The following SNTG1 variants were observed in gnomAD, a reference collection of about 807,000 sequenced individuals.
The protein encoded by SNTG1 is syntrophin gamma 1.
A neutral mutation model predicts 74.7 loss-of-function variants in SNTG1; 39 were observed. That is an observed-to-expected ratio of 0.52 (90% confidence interval 0.40 to 0.68). The LOEUF (loss-of-function observed/expected upper bound fraction) is 0.68. Ranked by LOEUF, SNTG1 falls within the 30% of genes least tolerant of loss-of-function variation. The probability of loss-of-function intolerance (pLI) is 0.00; values close to 1 mark genes in which losing one functional copy is unlikely to be tolerated. For synonymous variants in SNTG1, 254 were observed against 217.1 expected (o/e 1.17, Z -1.49); for missense variants, 685 against 609.5 (o/e 1.12, Z -1.30).
chr8:50,281,748 T>C (rs2088468120), intron 2 of SNTG1, among the ~76,000 whole-genome samples: 1 of 152,202 alleles, frequency 6.6e-6, no homozygotes, highest in Non-Finnish European at 1.5e-5. Flanking sequence ...AAAATAATCA[T>C]AGTAACATTG....
intron 1 of SNTG1, among the ~76,000 whole-genome samples, chr8:50,106,726 C>T (rs1586301217): frequency 6.6e-6 from 1 of 152,144 alleles, no homozygotes; most frequent in South Asian, 2.1e-4. Context: ...TTCTTGCATT[C>T]TCATGAGTTT....
At chr8:50,011,419 A>T (rs1815785150) in intron 1 of SNTG1, among the ~76,000 whole-genome samples, 1 of 152,188 alleles carries the variant, frequency 6.6e-6, no homozygotes, top group Admixed American at 6.6e-5. Flanking sequence ...ATTTTTAAGC[A>T]CAAATATTTT....
chr8:50,094,226 T>C (rs2079846348), intron 1 of SNTG1, among the ~76,000 whole-genome samples: 1 of 151,944 alleles, frequency 6.6e-6, no homozygotes, highest in Non-Finnish European at 1.5e-5. Context: ...TGAGAGATTA[T>C]TGTGCTAAGG....
chr8:50,775,760 T>C (rs2095639065), intron 18 of SNTG1, among the ~76,000 whole-genome samples: 2 of 151,720 alleles, frequency 1.3e-5, no homozygotes, highest in Non-Finnish European at 3.0e-5. Context: ...CTTTCAATTC[T>C]ATCAGTTTCT....
intron 9 of SNTG1, among the ~76,000 whole-genome samples, chr8:50,516,930 A>G (rs2094138362): frequency 6.6e-6 from 1 of 152,226 alleles, no homozygotes; most frequent in Non-Finnish European, 1.5e-5. Flanking sequence ...ATTCAAATTC[A>G]GGAAATACAG....
chr8:50,469,821 A>G (rs1162094132), intron 8 of SNTG1, among the ~76,000 whole-genome samples: 1 of 152,164 alleles, frequency 6.6e-6, no homozygotes, highest in East Asian at 1.9e-4. Flanking sequence ...TCTACTAAAA[A>G]TACAAAAATT....
At chr8:49,967,210 C>G (rs1416124247) in intron 1 of SNTG1, among the ~76,000 whole-genome samples, 1 of 152,138 alleles carries the variant, frequency 6.6e-6, no homozygotes, top group African/African-American at 2.4e-5. Flanking sequence ...ATTTCTTCCC[C>G]AAAGTCACAT....
intron 1 of SNTG1, among the ~76,000 whole-genome samples, chr8:50,016,317 G>T (rs1340475120): frequency 1.3e-5 from 2 of 152,036 alleles, no homozygotes; most frequent in African/African-American, 4.8e-5. Flanking sequence ...ATTTCAAAAT[G>T]ATATTTTTTA....
At chr8:50,601,115 G>A (rs1295701390) in intron 13 of SNTG1, among the ~76,000 whole-genome samples, 3 of 124,084 alleles carry the variant, frequency 2.4e-5, no homozygotes, top group Admixed American at 1.0e-4. Flanking sequence ...CCGAGATCGC[G>A]TCACTTCACT....
Position 49,935,535 on chromosome 8 carries a change from A to G in SNTG1, c.-103+23304A>G, listed in dbSNP as rs570192699. Among the ~76,000 whole-genome samples the G allele has an allele frequency of 6.6e-5, 10 of 151,696 alleles. No individual in the cohort carries two copies. In the East Asian group the frequency reaches 1.6e-3, roughly 24 times the overall value. On this transcript the variant is annotated intron_variant, in intron 1 of 18. Transcript: ENST00000642720. ...AGGAGATGTAAACCAAAAAAAAAAA[A>G]AAAAGAAAAAGAAAAAAAAATCATG...
At chr8:50,126,288 T>G (rs1004016993) in intron 1 of SNTG1, among the ~76,000 whole-genome samples, 1 of 152,106 alleles carries the variant, frequency 6.6e-6, no homozygotes, top group Non-Finnish European at 1.5e-5. Flanking sequence ...TAATTGGTTG[T>G]GCCAGGCTGT....
chr8:50,217,525 G>T (rs1220022333), intron 2 of SNTG1, among the ~76,000 whole-genome samples: 2 of 151,982 alleles, frequency 1.3e-5, no homozygotes, highest in Non-Finnish European at 2.9e-5. Context: ...CTGAAAATAG[G>T]CCAATAGCAG....
chr8:49,946,918 A>G (rs1809242504), intron 1 of SNTG1, among the ~76,000 whole-genome samples: 1 of 152,226 alleles, frequency 6.6e-6, no homozygotes, highest in Non-Finnish European at 1.5e-5. Flanking sequence ...TTCAATGATT[A>G]TATTAGCATA....
chr8:50,309,161 A>C (rs2090013213), intron 2 of SNTG1, among the ~76,000 whole-genome samples: 1 of 152,194 alleles, frequency 6.6e-6, no homozygotes, highest in African/African-American at 2.4e-5. Context: ...CAGAAGATGA[A>C]GAAAGCCACA....
chr8:50,343,531 G>A (rs1231785480), intron 2 of SNTG1, among the ~76,000 whole-genome samples: 2 of 152,092 alleles, frequency 1.3e-5, no homozygotes, highest in South Asian at 2.1e-4. Context: ...ACAAAGCCAA[G>A]CAAATCAATC....
At chr8:50,180,750 C>G (rs942757620) in intron 2 of SNTG1, among the ~76,000 whole-genome samples, 18 of 80,648 alleles carry the variant, frequency 2.2e-4, no homozygotes, top group Admixed American at 3.3e-4. Flanking sequence ...ATTGTGAAGC[C>G]TTTTTTTTTT....
chr8:50,323,253 T>G (rs187896391), intron 2 of SNTG1, among the ~76,000 whole-genome samples: 11 of 152,322 alleles, frequency 7.2e-5, no homozygotes, highest in Non-Finnish European at 1.2e-4. Context: ...TCTCTGTGTT[T>G]TGTTGAATTT....
intron 1 of SNTG1, among the ~76,000 whole-genome samples, chr8:50,078,264 T>G (rs770597874): frequency 2.4e-4 from 37 of 152,164 alleles, no homozygotes; most frequent in Non-Finnish European, 4.4e-4. Flanking sequence ...TCTAGTTCCT[T>G]TGCATTTACA....
At chr8:50,236,450 AT>A (rs56003219) in intron 2 of SNTG1, among the ~76,000 whole-genome samples, 218 of 138,658 alleles carry the variant, frequency 1.6e-3, no homozygotes, top group Middle Eastern at 7.9e-3. Flanking sequence ...TTAATTGTAA[AT>A]TTTTTTTTTT....
Sources: gnomAD v4.1 joint callset for allele counts (sites outside exome capture counted in the v4.1 genomes callset) on GRCh38, gnomAD v4.1.1 for gene constraint, MANE v1.5 for transcripts, NCBI Gene and HGNC (gene_info 2026-07-23, HGNC 2026-07-21) for gene names.